The following ATP1A2 variants were observed in gnomAD, a reference collection of about 807,000 sequenced individuals.
ATP1A2 encodes sodium/potassium-transporting ATPase subunit alpha-2.
ATP1A2 carries 56 observed loss-of-function variants against 113.1 expected under a neutral mutation model. The ratio of observed to expected loss-of-function variants is 0.49; its 90% CI spans 0.40 to 0.62. The LOEUF (loss-of-function observed/expected upper bound fraction) is 0.62, where lower values mean the gene tolerates loss of function less well. Ranked by LOEUF, ATP1A2 falls within the 20% of genes least tolerant of loss-of-function variation. The probability of loss-of-function intolerance (pLI) is 0.00; values close to 1 mark genes in which losing one functional copy is unlikely to be tolerated. For synonymous variants in ATP1A2, 490 were observed against 526.8 expected (o/e 0.93, Z 0.96); for missense variants, 712 against 1,357.8 (o/e 0.52, Z 7.47).
In ATP1A2 at chr1:160,120,974, G is replaced by A; in HGVS notation, c.81G>A (p.Glu27=). Reference sequence around the variant, plus strand: ...GGGGCGGCAAGAAGAAACAGAAGGAGAAGGAACTGGATGAGCTGAAGAAGG... The same window carrying A: ...GGGGCGGCAAGAAGAAACAGAAGGAAAAGGAACTGGATGAGCTGAAGAAGG... ...ENGGGKKKQK[E]KELDELKKEV... Residue 27 remains glutamate, a synonymous_variant, in exon 2 of 23, where the codon GAG becomes GAA. Coordinates refer to ENST00000361216, the MANE Select transcript of ATP1A2 (RefSeq NM_000702.4). 2 of 1,613,616 alleles carry A rather than the reference G, an allele frequency of 1.2e-6. No individual in the cohort carries two copies. The highest frequency in any genetic ancestry group is 1.7e-5 in the Admixed American group (1 of 59,960).
chr1:160,122,505 C>T (rs150912767), intron 3 of ATP1A2, among the ~76,000 whole-genome samples: 1 of 151,758 alleles, frequency 6.6e-6, no homozygotes, highest in East Asian at 1.9e-4. Flanking sequence ...GATTCCAATG[C>T]AATATGGTGA....
chr1:160,121,362 C>A, intron 3 of ATP1A2, 111 bp downstream of exon 3: 1 of 1,309,322 alleles, frequency 7.6e-7, no homozygotes, highest in Non-Finnish European at 1.1e-6. Context: ...GATGAGGAAA[C>A]TGAGGCCCAG....
intron 10 of ATP1A2, 28 bp downstream of exon 10, chr1:160,129,117 T>C: frequency 6.4e-7 from 1 of 1,561,602 alleles, no homozygotes; most frequent in Non-Finnish European, 8.6e-7. Context: ...ACACCAGGTA[T>C]GTTTTGGGGG....
chr1:160,134,497 C>G lies in ATP1A2; in HGVS notation c.1841C>G (p.Thr614Ser). The G allele has an allele frequency of 6.2e-7, 1 of 1,614,202 alleles. No homozygotes were observed. Among genetic ancestry groups the G allele is most frequent in the Non-Finnish European group, 8.5e-7 (1 of 1,180,042 alleles). ...CCTTCCCACTAGGTGATCATGGTAACCGGGGATCACCCTATCACAGCCAAG... is the reference window on the plus strand; with the variant it reads ...CCTTCCCACTAGGTGATCATGGTAAGCGGGGATCACCCTATCACAGCCAAG... ...RSAGIKVIMV[T>S]GDHPITAKAI... The change falls in exon 14 of 23, where the codon ACC (threonine) becomes AGC (serine). Residue 614 changes from threonine to serine, a missense_variant. Thr to Ser is a moderately conservative substitution (Grantham distance 58, BLOSUM62 1). Around this residue, in one of 6 missense-constraint regions of ATP1A2, gnomAD observed 263 missense variants for 380.6 expected, o/e 0.69. Coordinates refer to ENST00000361216, the MANE Select transcript of ATP1A2 (RefSeq NM_000702.4).
chr1:160,128,338 G>C (rs1384585506), intron 8 of ATP1A2: 6 of 620,488 alleles, frequency 9.7e-6, no homozygotes, highest in African/African-American at 1.8e-5. Context: ...CCCTGAGCAA[G>C]AGCCAATCTC....
intron 1 of ATP1A2, among the ~76,000 whole-genome samples, chr1:160,119,256 CAAAAAAAAAAAAAAAA>C (rs386368465): frequency 8.1e-5 from 4 of 49,464 alleles, no homozygotes; most frequent in African/African-American, 9.9e-5. Context: ...CATTATCCTG[CAAAAAAAAAAAAAAAA>C]AAAAAAAAAA....
intron 20 of ATP1A2, 112 bp from the exon 21 acceptor site, chr1:160,139,528 G>C (rs190028652): frequency 2.2e-6 from 2 of 903,678 alleles, no homozygotes; most frequent in Non-Finnish European, 3.7e-6. Context: ...GAAGACATGC[G>C]ACTATGTCGT....
chr1:160,125,092 A>G, intron 6 of ATP1A2, 44 bp from the exon 7 acceptor site: 1 of 1,528,608 alleles, frequency 6.5e-7, no homozygotes, highest in Non-Finnish European at 9.1e-7. Context: ...TGTGCATACA[A>G]GTGGCTCTGC....
chr1:160,122,779 A>C (rs1459085251), intron 3 of ATP1A2, among the ~76,000 whole-genome samples: 1 of 152,080 alleles, frequency 6.6e-6, no homozygotes, highest in South Asian at 2.1e-4. Context: ...CTATAATTGC[A>C]CCACTGCGCT....
chr1:160,126,247 T>A (rs1265005425), intron 7 of ATP1A2, among the ~76,000 whole-genome samples: 1 of 152,210 alleles, frequency 6.6e-6, no homozygotes, highest in Non-Finnish European at 1.5e-5. Flanking sequence ...CATCCTCCCA[T>A]ATACTTTGAA....
chr1:160,136,809 G>C lies in ATP1A2; in HGVS notation c.2710-92G>C. ...GGCCAGTGGTGGCCAACTGGGACTGGGGCTAGGGGTGGATCAGGAGAAACC... is the reference window on the plus strand; with the variant it reads ...GGCCAGTGGTGGCCAACTGGGACTGCGGCTAGGGGTGGATCAGGAGAAACC... On this transcript the variant is annotated intron_variant, in intron 19 of 22. Coordinates refer to ENST00000361216, the MANE Select transcript of ATP1A2 (RefSeq NM_000702.4). 2.5e-6 allele frequency: 4 copies of C among 1,614,092 alleles called. No individual in the cohort carries two copies. In the East Asian group the frequency reaches 8.9e-5, roughly 36 times the overall value.
intron 11 of ATP1A2, 120 bp from the exon 12 acceptor site, chr1:160,129,982 T>C (rs78144930): frequency 7.8e-7 from 1 of 1,282,766 alleles, no homozygotes; most frequent in South Asian, 1.2e-5. Flanking sequence ...ATTCTCTTTG[T>C]TGACAATCTT....
At position 160,124,449 on chromosome 1, in the gene ATP1A2, A is replaced by G; in HGVS notation, c.630+19A>G. On this transcript the variant is annotated intron_variant, in intron 6 of 22. Coordinates refer to ENST00000361216, the MANE Select transcript of ATP1A2 (RefSeq NM_000702.4). The stretch of plus-strand genomic sequence containing the variant: ...CTGTAAGGTGAGGAGGTCATACCAG[A>G]GCAAGCAGTTGAGTCTAAGGAGAAG... The G allele has an allele frequency of 6.3e-7, 1 of 1,596,002 alleles. No homozygotes were observed. The highest frequency in any genetic ancestry group is 8.5e-7 in the Non-Finnish European group (1 of 1,170,918).
rs187733403 is a variant in ATP1A2 at position 160,123,229 on chromosome 1, G to T, written c.194G>T (p.Arg65Leu). ...CTCCCTCAGGGCCTCACCAACCAGC[G>T]GGCTCAGGACGTTCTGGCTCGAGAT... is the stretch of plus-strand genomic sequence containing the variant. ...VDLSKGLTNQRAQDVLARDGP... is the reference protein window; with the variant it reads ...VDLSKGLTNQLAQDVLARDGP... The change falls in exon 4 of 23, where the codon CGG (arginine) becomes CTG (leucine). Residue 65 changes from arginine (R) to leucine (L), a missense_variant. Arg to Leu is a moderately radical substitution (Grantham distance 102, BLOSUM62 -2). Transcript: ENST00000361216. 2.3e-4 allele frequency: 365 copies of T among 1,614,116 alleles called. 3 individuals carry two copies. The East Asian group carries it at 7.4e-3, about 33-fold the overall frequency.
At chr1:160,133,487 C>G (rs1651828767) in intron 13 of ATP1A2, among the ~76,000 whole-genome samples, 1 of 152,128 alleles carries the variant, frequency 6.6e-6, no homozygotes, top group Non-Finnish European at 1.5e-5. Context: ...ATGCCAGCCA[C>G]CCTCCCCATC....
chr1:160,139,354 A>G (rs1343602727), intron 20 of ATP1A2, among the ~76,000 whole-genome samples: 3 of 152,128 alleles, frequency 2.0e-5, no homozygotes, highest in Non-Finnish European at 2.9e-5. Context: ...CCCCATGTTG[A>G]CCACCGTGTC....
At chr1:160,140,329 G>A (rs890166569) in intron 22 of ATP1A2, among the ~76,000 whole-genome samples, 5 of 115,122 alleles carry the variant, frequency 4.3e-5, no homozygotes, top group African/African-American at 9.2e-5. Context: ...ATCTGTTCAG[G>A]GTCGTAAAGC....
At position 160,130,116 on chromosome 1, in the gene ATP1A2, G is replaced by A; in HGVS notation, c.1476G>A (p.Glu492=). 3.1e-6 allele frequency: 5 copies of A among 1,614,226 alleles called. No homozygotes were observed. The highest frequency in any genetic ancestry group is 4.2e-6 in the Non-Finnish European group (5 of 1,180,046). ...TGTCTCTCCAGCTGTCTATCCACGA[G>A]CGAGAAGACAGCCCCCAGAGCCACG... ...STNKYQLSIH[E]REDSPQSHVL... Residue 492 remains glutamate, a synonymous_variant, in exon 12 of 23, where the codon GAG becomes GAA. Coordinates refer to ENST00000361216, the MANE Select transcript of ATP1A2 (RefSeq NM_000702.4).
intron 13 of ATP1A2, among the ~76,000 whole-genome samples, chr1:160,131,689 C>T (rs953500393): frequency 1.3e-5 from 2 of 151,890 alleles, no homozygotes; most frequent in African/African-American, 2.4e-5. Context: ...AAATTAGCCA[C>T]GTGTAGTGGC....
Sources: allele counts gnomAD v4.1 joint callset (sites outside exome capture counted in the v4.1 genomes callset), GRCh38; gene constraint gnomAD v4.1.1; regional missense constraint gnomAD v4.1.1; transcripts MANE v1.5; gene names NCBI Gene and HGNC (gene_info 2026-07-23, HGNC 2026-07-21).